Variants in DNM3 observed in about 807,000 individuals in gnomAD.
DNM3 encodes dynamin-3.
Under a neutral mutation model 101.6 loss-of-function variants are expected in DNM3, and 47 were observed. The observed-to-expected ratio is 0.46, with a 90% CI of 0.37 to 0.59. The LOEUF (loss-of-function observed/expected upper bound fraction) is 0.59, where lower values mean the gene tolerates loss of function less well. Ranked by LOEUF, DNM3 falls within the 20% of genes least tolerant of loss-of-function variation. DNM3 has a pLI of 0.00. For missense variants in DNM3, 849 were observed against 1,085.7 expected (o/e 0.78, Z 3.06); for synonymous variants, 385 against 387.9 (o/e 0.99, Z 0.09).
At chr1:172,076,448 G>C (rs1328183891) in intron 11 of DNM3, among the ~76,000 whole-genome samples, 1 of 152,194 alleles carries the variant, frequency 6.6e-6, no homozygotes, top group Non-Finnish European at 1.5e-5. Context: ...TATTGGCCAT[G>C]AGTGTGTCAT....
intron 14 of DNM3, among the ~76,000 whole-genome samples, chr1:172,226,810 C>A (rs2061139830): frequency 6.6e-6 from 1 of 151,930 alleles, no homozygotes; most frequent in Non-Finnish European, 1.5e-5. Flanking sequence ...TCATATATGT[C>A]CATTTGTGAA....
intron 13 of DNM3, among the ~76,000 whole-genome samples, chr1:172,106,847 C>CTTTTTTT (rs1165611083): frequency 0.052 from 3,559 of 67,840 alleles, 996 homozygotes; most frequent in Admixed American, 0.076. Context: ...TAACATTATT[C>CTTTTTTT]TTTTTTTTTT....
At chr1:172,252,506 A>G in intron 14 of DNM3, among the ~76,000 whole-genome samples, 1 of 152,166 alleles carries the variant, frequency 6.6e-6, no homozygotes, top group Non-Finnish European at 1.5e-5. Flanking sequence ...GGGCATTAAT[A>G]GTCGTTTATT....
chr1:171,975,206 T>A (rs2044285949), intron 2 of DNM3, among the ~76,000 whole-genome samples: 1 of 152,112 alleles, frequency 6.6e-6, no homozygotes. Context: ...GTTGACTCTA[T>A]TGCCTGAGTC....
chr1:171,876,909 C>T (rs1406944859), intron 1 of DNM3, among the ~76,000 whole-genome samples: 1 of 152,146 alleles, frequency 6.6e-6, no homozygotes, highest in African/African-American at 2.4e-5. Context: ...TTGTTCCAGG[C>T]GATTAGCAAA....
At chr1:172,387,011 C>T in intron 18 of DNM3, 122 bp from the exon 19 acceptor site, 2 of 775,134 alleles carry the variant, frequency 2.6e-6, no homozygotes, top group Non-Finnish European at 4.2e-6. Context: ...TCACTTTTCC[C>T]AGGGTGGACT....
chr1:172,392,985 C>G (rs1003904143), intron 20 of DNM3: 9 of 152,226 alleles, frequency 5.9e-5, no homozygotes, highest in African/African-American at 1.9e-4. Flanking sequence ...ATGTCCCACC[C>G]TGCAAGGGCA....
intron 1 of DNM3, among the ~76,000 whole-genome samples, chr1:171,846,608 T>C (rs1214749858): frequency 6.6e-6 from 1 of 152,232 alleles, no homozygotes; most frequent in Non-Finnish European, 1.5e-5. Flanking sequence ...TAGAGGGACT[T>C]CAAGTATCTA....
chr1:172,238,972 A>G (rs1269923689), intron 14 of DNM3, among the ~76,000 whole-genome samples: 1 of 152,216 alleles, frequency 6.6e-6, no homozygotes, highest in Non-Finnish European at 1.5e-5. Flanking sequence ...TTCTTCCAGA[A>G]CTTGCCTTTT....
chr1:172,345,039 T>C lies in DNM3; in HGVS notation c.1893+21699T>C, dbSNP rs181512212. 3.7e-3 allele frequency among the ~76,000 whole-genome samples: 561 copies of C among 152,358 alleles called. 1 individual carries two copies. The highest frequency in any genetic ancestry group is 0.014 in the Middle Eastern group (4 of 294). On this transcript the variant is annotated intron_variant, in intron 17 of 20. Transcript: ENST00000627582. Reference sequence around the variant, plus strand: ...TTATTCTATCTGTTGATCATTAATATGTAGGGTCTCATGTCCACATCAGAT... The same window carrying C: ...TTATTCTATCTGTTGATCATTAATACGTAGGGTCTCATGTCCACATCAGAT...
intron 7 of DNM3, among the ~76,000 whole-genome samples, chr1:172,038,778 C>T (rs958009692): frequency 6.6e-6 from 1 of 152,140 alleles, no homozygotes. Flanking sequence ...TGGGTAAATA[C>T]AGATGCAAAT....
rs774761654 is a variant in DNM3 at position 171,841,836 on chromosome 1, G to A, written c.161+19G>A. Reference sequence around the variant, plus strand: ...TGGGCAGGTAAGCGCGCAGGGCGCGGAGTAAGGATGCGGCAGTGGGGCGAC... The same window carrying A: ...TGGGCAGGTAAGCGCGCAGGGCGCGAAGTAAGGATGCGGCAGTGGGGCGAC... On this transcript the variant is annotated intron_variant, in intron 1 of 20. Coordinates refer to ENST00000627582, the MANE Select transcript of DNM3 (RefSeq NM_015569.5). 4 of 1,599,724 alleles carry A rather than the reference G, an allele frequency of 2.5e-6. No individual in the cohort carries two copies. In the South Asian group the frequency reaches 3.4e-5, roughly 13 times the overall value.
At chr1:172,081,608 C>T (rs1189253025) in intron 11 of DNM3, among the ~76,000 whole-genome samples, 1 of 152,168 alleles carries the variant, frequency 6.6e-6, no homozygotes, top group East Asian at 1.9e-4. Flanking sequence ...ATGCTATTCT[C>T]TTCATCTGCT....
At chr1:172,233,891 C>G (rs1327968507) in intron 14 of DNM3, among the ~76,000 whole-genome samples, 6 of 152,116 alleles carry the variant, frequency 3.9e-5, no homozygotes, top group Non-Finnish European at 8.8e-5. Flanking sequence ...GGACGTATCT[C>G]AAAATAATAA....
intron 2 of DNM3, among the ~76,000 whole-genome samples, chr1:171,985,071 G>A (rs2045144245): frequency 6.6e-6 from 1 of 152,090 alleles, no homozygotes; most frequent in African/African-American, 2.4e-5. Context: ...CCATCTAGTG[G>A]CAACAAAGGA....
intron 15 of DNM3, among the ~76,000 whole-genome samples, chr1:172,286,068 T>TTATATAGA (rs1553222037): frequency 6.8e-6 from 1 of 147,454 alleles, no homozygotes; most frequent in Non-Finnish European, 1.5e-5. Context: ...AGTGAGTTAT[T>TTATATAGA]TATATATATA....
rs116549246 is a variant in DNM3 at position 172,299,579 on chromosome 1, C to A, written c.1770-9149C>A. On this transcript the variant is annotated intron_variant, in intron 15 of 20. Coordinates refer to ENST00000627582, the MANE Select transcript of DNM3 (RefSeq NM_015569.5). The stretch of plus-strand genomic sequence containing the variant: ...AATCCCCAGTGTCTATTGTTCCCAA[C>A]TTTGTCTATATGTGCCCAATGTTTA... 4.2e-3 allele frequency among the ~76,000 whole-genome samples: 640 copies of A among 152,082 alleles called. 9 individuals are homozygous for A. Among genetic ancestry groups the A allele is most frequent in the African/African-American group, 0.014 (600 of 41,480 alleles).
intron 8 of DNM3, 69 bp downstream of exon 8, chr1:172,042,213 A>G: frequency 2.1e-6 from 3 of 1,445,750 alleles, no homozygotes; most frequent in South Asian, 1.5e-5. Flanking sequence ...ACAACTTAAT[A>G]CAATATTGTG....
At chr1:172,412,781 T>C (rs2071283537), downstream of DNM3, 1 of 962,724 alleles carries the variant, frequency 1.0e-6, no homozygotes, top group Non-Finnish European at 1.2e-6. Flanking sequence ...TACCTGAGAC[T>C]TCTAAATATT....
Sources: gnomAD v4.1 joint callset for allele counts (sites outside exome capture counted in the v4.1 genomes callset) on GRCh38, gnomAD v4.1.1 for gene constraint, MANE v1.5 for transcripts, NCBI Gene and HGNC (gene_info 2026-07-23, HGNC 2026-07-21) for gene names.